Variants in EXT2 observed in about 807,000 individuals in gnomAD.
The protein encoded by EXT2 is exostosin-2.
A neutral mutation model predicts 81.6 loss-of-function variants in EXT2; 53 were observed. That is an observed-to-expected ratio of 0.65 (90% CI 0.52 to 0.82). EXT2 has a LOEUF of 0.82. Ranked by LOEUF, EXT2 falls within the 40% of genes least tolerant of loss-of-function variation. The pLI, the probability that EXT2 is intolerant of heterozygous loss-of-function variation, is 0.00. For missense variants in EXT2, 774 were observed against 910.2 expected (o/e 0.85, Z 1.93); for synonymous variants, 320 against 340.0 (o/e 0.94, Z 0.65).
At chr11:44,115,752 G>T (rs1210429236) in intron 4 of EXT2, 1 of 152,160 alleles carries the variant, frequency 6.6e-6, no homozygotes, top group African/African-American at 2.4e-5. Context: ...CTTTTCTCAG[G>T]AGAAGACATC....
chr11:44,234,324 A>T, intron 12 of EXT2, 81 bp downstream of exon 12: 1 of 1,362,736 alleles, frequency 7.3e-7, no homozygotes, highest in East Asian at 2.5e-5. Flanking sequence ...TTGTAACTAT[A>T]AATTAAATAT....
At chr11:44,216,037 C>T (rs1196628735) in intron 10 of EXT2, among the ~76,000 whole-genome samples, 1 of 152,024 alleles carries the variant, frequency 6.6e-6, no homozygotes, top group South Asian at 2.1e-4. Context: ...CCACCGCGCC[C>T]GGCTAATTTT....
chr11:44,246,672 C>A lies in EXT2; in HGVS notation c.*2385C>A, dbSNP rs1282219570. The stretch of plus-strand genomic sequence containing the variant: ...TTACCCTATGAACAGATAGGTGGTA[C>A]AGTCACCGTAGAAATTCAAGACAGG... On this transcript the variant is annotated 3_prime_UTR_variant, in exon 14 of 14. Transcript: ENST00000533608. 6.6e-6 allele frequency among the ~76,000 whole-genome samples: 1 copy of A among 152,188 alleles called. No individual in the cohort carries two copies. Among genetic ancestry groups the A allele is most frequent in the East Asian group, 1.9e-4 (1 of 5,200 alleles).
intron 8 of EXT2, among the ~76,000 whole-genome samples, chr11:44,195,029 A>G (rs1388903913): frequency 2.0e-5 from 3 of 152,218 alleles, no homozygotes; most frequent in Non-Finnish European, 4.4e-5. Context: ...AAAGGTTTCT[A>G]GAAGTACAAT....
At chr11:44,104,634 A>T (rs1289407214) in intron 1 of EXT2, 3 of 152,222 alleles carry the variant, frequency 2.0e-5, no homozygotes, top group Non-Finnish European at 4.4e-5. Flanking sequence ...GGAACCACTG[A>T]TTCAAGTATA....
intron 1 of EXT2, among the ~76,000 whole-genome samples, chr11:44,097,038 G>T (rs567503564): frequency 1.1e-4 from 16 of 152,344 alleles, no homozygotes; most frequent in African/African-American, 3.8e-4. Context: ...AGACTGCCAT[G>T]CTGTGAATCC....
At chr11:44,149,456 T>C (rs1954763830) in intron 7 of EXT2, among the ~76,000 whole-genome samples, 1 of 152,226 alleles carries the variant, frequency 6.6e-6, no homozygotes, top group South Asian at 2.1e-4. Context: ...TGATGATAAC[T>C]AGGTTTTTAA....
chr11:44,164,967 C>T (rs1198523018), intron 7 of EXT2, among the ~76,000 whole-genome samples: 1 of 151,340 alleles, frequency 6.6e-6, no homozygotes, highest in Non-Finnish European at 1.5e-5. Flanking sequence ...CAAGCTCCGC[C>T]TCCCGGGTTC....
At chr11:44,154,896 G>T (rs1954837865) in intron 7 of EXT2, among the ~76,000 whole-genome samples, 1 of 152,078 alleles carries the variant, frequency 6.6e-6, no homozygotes, top group Admixed American at 6.5e-5. Flanking sequence ...GATCAATGAT[G>T]TTGAGCACCT....
chr11:44,127,791 C>T (rs61316294), intron 6 of EXT2, among the ~76,000 whole-genome samples: 37,407 of 151,864 alleles, frequency 0.25, 4,708 homozygotes, highest in Non-Finnish European at 0.27. Flanking sequence ...TTGAGAACCA[C>T]TGGTCTAGAG....
rs1013647616 is a variant in EXT2, at chr11:44,109,374, T to A, written c.626+91T>A. On this transcript the variant is annotated intron_variant, in intron 3 of 13. Coordinates refer to ENST00000533608, the MANE Select transcript of EXT2 (RefSeq NM_207122.2). ...ATTCCTAAATCTACCACATACTTTG[T>A]AATCAGAATTGTTTATTAAACTAGA... The A allele has an allele frequency of 3.1e-5, 35 of 1,117,114 alleles. No homozygotes were observed. The Admixed American group carries it at 3.2e-4, about 10-fold the overall frequency. 69.2% of individuals were successfully genotyped at this position (1,117,114 alleles called of 1,614,324 possible). A position where few individuals can be genotyped will look rare whatever the true frequency, so the allele number is the denominator to read the frequency against.
intron 8 of EXT2, among the ~76,000 whole-genome samples, chr11:44,185,870 A>G (rs573020081): frequency 1.3e-5 from 2 of 152,350 alleles, no homozygotes; most frequent in Admixed American, 1.3e-4. Context: ...TGCCCAGATC[A>G]GAGAATGAGC....
chr11:44,225,479 G>A lies in EXT2; in HGVS notation c.1663-6874G>A, dbSNP rs545430946. Among the ~76,000 whole-genome samples, 12 of 152,184 alleles carry A rather than the reference G, an allele frequency of 7.9e-5. No homozygotes were observed. The South Asian group carries it at 1.9e-3, about 24-fold the overall frequency. On this transcript the variant is annotated intron_variant, in intron 10 of 13. Coordinates refer to ENST00000533608, the MANE Select transcript of EXT2 (RefSeq NM_207122.2). ...ACTGATGGGAGCAAAGGGTTTTTTC[G>A]TGTTCCCTGCCTCCTCTCCCTACCT...
chr11:44,114,521 C>A (rs1278876394), intron 4 of EXT2, among the ~76,000 whole-genome samples: 2 of 152,172 alleles, frequency 1.3e-5, no homozygotes, highest in Non-Finnish European at 2.9e-5. Context: ...GTTTTCTAAG[C>A]CAGGAATCCA....
chr11:44,196,868 G>A (rs147027997), intron 8 of EXT2, among the ~76,000 whole-genome samples: 4 of 152,260 alleles, frequency 2.6e-5, no homozygotes, highest in Non-Finnish European at 4.4e-5. Flanking sequence ...TGCTGAAGAT[G>A]CTCTTGAAAT....
intron 1 of EXT2, among the ~76,000 whole-genome samples, chr11:44,100,272 G>A (rs1424128054): frequency 1.3e-5 from 2 of 152,200 alleles, no homozygotes; most frequent in South Asian, 2.1e-4. Context: ...AACCAAGGTC[G>A]TTGGTACTAG....
chr11:44,117,654 G>A lies in EXT2; in HGVS notation c.743+3353G>A, dbSNP rs557717240. On this transcript the variant is annotated intron_variant, in intron 4 of 13. Transcript: ENST00000533608. ...GGGTTTATTTTTGGATTGTCAATTC[G>A]AATCTGTTGGTCTATATGTCTATTA... Among the ~76,000 whole-genome samples the A allele has an allele frequency of 2.6e-5, 4 of 152,284 alleles. No individual in the cohort carries two copies. The South Asian group carries it at 6.2e-4, about 24-fold the overall frequency.
chr11:44,207,232 A>G (rs1338556274), intron 10 of EXT2, among the ~76,000 whole-genome samples: 1 of 152,254 alleles, frequency 6.6e-6, no homozygotes, highest in Non-Finnish European at 1.5e-5. Flanking sequence ...GAGCATCTAT[A>G]GCATTTAACA....
rs182794926 is a variant in EXT2, at chr11:44,247,395, G to A, written c.*3108G>A. Among the ~76,000 whole-genome samples, 248 of 151,688 alleles carry A rather than the reference G, an allele frequency of 1.6e-3. 3 individuals carry two copies. Among genetic ancestry groups the A allele is most frequent in the African/African-American group, 2.2e-3 (92 of 41,336 alleles). ...CTCCTGAGTAGCTGGGATTACAGGC[G>A]CTTGCCACCACGCCTGGCTAATTTG... On this transcript the variant is annotated 3_prime_UTR_variant, in exon 14 of 14. Transcript: ENST00000533608.
Sources: allele counts gnomAD v4.1 joint callset (sites outside exome capture counted in the v4.1 genomes callset), GRCh38; gene constraint gnomAD v4.1.1; transcripts MANE v1.5; gene names NCBI Gene and HGNC (gene_info 2026-07-23, HGNC 2026-07-21).